Variants in OAS3 observed in about 807,000 individuals in gnomAD.
OAS3 encodes 2'-5'-oligoadenylate synthase 3.
In OAS3, 107 loss-of-function variants were observed where a neutral mutation model predicts 113.0. The observed-to-expected ratio is 0.95, with a 90% CI of 0.81 to 1.11. The LOEUF is 1.11. Ranked by LOEUF, OAS3 falls within the 50% of genes most tolerant of loss-of-function variation. The probability of loss-of-function intolerance (pLI) is 0.00; values close to 1 mark genes in which losing one functional copy is unlikely to be tolerated. For synonymous variants in OAS3, 552 were observed against 573.6 expected (o/e 0.96, Z 0.54); for missense variants, 1,258 against 1,389.1 (o/e 0.91, Z 1.50).
chr12:112,966,050 C>A (rs2043930833), intron 12 of OAS3, 21 bp downstream of exon 12: 1 of 1,611,780 alleles, frequency 6.2e-7, no homozygotes, highest in Non-Finnish European at 8.5e-7. Flanking sequence ...CTGGCGTAGA[C>A]CTGAGAGGGG....
chr12:112,944,577 C>T lies in OAS3; in HGVS notation c.562C>T (p.Arg188Trp), dbSNP rs369399935. ...GEHAACFTEL[R>W]RNFVNIRPAK... Reference sequence around the variant, plus strand: ...GCATGCGGCCTGCTTCACAGAGCTGCGGAGGAACTTTGTGAACATTCGCCC... The same window carrying T: ...GCATGCGGCCTGCTTCACAGAGCTGTGGAGGAACTTTGTGAACATTCGCCC... Residue 188 changes from arginine (R) to tryptophan (W), a missense_variant, in exon 3 of 16, where the codon CGG becomes TGG. Arg to Trp is a moderately radical substitution (Grantham distance 101). Coordinates refer to ENST00000228928, the MANE Select transcript of OAS3 (RefSeq NM_006187.4). The T allele has an allele frequency of 2.0e-5, 32 of 1,613,954 alleles. No homozygotes were observed. Among genetic ancestry groups the T allele is most frequent in the African/African-American group, 9.3e-5 (7 of 74,948 alleles).
intron 7 of OAS3, among the ~76,000 whole-genome samples, chr12:112,958,674 G>T (rs1164663248): frequency 1.3e-5 from 2 of 152,250 alleles, no homozygotes; most frequent in African/African-American, 4.8e-5. Context: ...TTGCAGAACT[G>T]CAAATATTGC....
chr12:112,962,951 A>G lies in OAS3; in HGVS notation c.2084+49A>G, dbSNP rs771523720. On this transcript the variant is annotated intron_variant, in intron 9 of 15. Coordinates refer to ENST00000228928, the MANE Select transcript of OAS3 (RefSeq NM_006187.4). ...TGGCTTCATTATCCTCCCCCTCCCCACTGTCACCCTGGAGTCAGTCATCCA... is the reference window on the plus strand; with the variant it reads ...TGGCTTCATTATCCTCCCCCTCCCCGCTGTCACCCTGGAGTCAGTCATCCA... 15 of 1,602,742 alleles carry G rather than the reference A, an allele frequency of 9.4e-6. No individual in the cohort carries two copies. In the Admixed American group the frequency reaches 2.5e-4, roughly 27 times the overall value.
At position 112,967,461 on chromosome 12, in the gene OAS3, C is replaced by G. The variant is rs369362586; in HGVS notation, c.2733C>G (p.Val911=). The change falls in exon 13 of 16, where the codon GTC becomes GTG. Residue 911 remains valine, a synonymous_variant. Transcript: ENST00000228928. ...CCAGGCCCAGCTCTCAAGTCTACGT[C>G]GACCTCATCCACAGCTACAGCAATG... ...SGSRPSSQVY[V]DLIHSYSNAG... is the part of the protein sequence containing the mutation. 4.9e-5 allele frequency: 79 copies of G among 1,613,430 alleles called. No individual in the cohort carries two copies. Among genetic ancestry groups the G allele is most frequent in the Non-Finnish European group, 6.1e-5 (72 of 1,179,724 alleles).
At chr12:112,961,801 C>CT (rs760022099) in intron 8 of OAS3, among the ~76,000 whole-genome samples, 1,809 of 146,328 alleles carry the variant, frequency 0.012, 10 homozygotes, top group Non-Finnish European at 0.018. Flanking sequence ...CTTTCATAGC[C>CT]TTTTTTTTTT....
chr12:112,947,463 C>A (rs979087757), intron 4 of OAS3, among the ~76,000 whole-genome samples: 6 of 152,160 alleles, frequency 3.9e-5, no homozygotes, highest in African/African-American at 1.4e-4. Flanking sequence ...AAGATTAAGT[C>A]TTTGAGATTT....
intron 3 of OAS3, among the ~76,000 whole-genome samples, chr12:112,946,412 C>T (rs57000709): frequency 0.12 from 18,468 of 152,194 alleles, 1,236 homozygotes; most frequent in Middle Eastern, 0.18. Context: ...CAATCAGCCA[C>T]GCAACTGGGA....
intron 13 of OAS3, 94 bp downstream of exon 13, chr12:112,967,687 G>A: frequency 7.1e-7 from 1 of 1,406,170 alleles, no homozygotes. Flanking sequence ...CCCTGGCCAA[G>A]ATCCTGGGTT....
At chr12:112,955,838 A>T (rs2043830312) in intron 7 of OAS3, among the ~76,000 whole-genome samples, 1 of 152,192 alleles carries the variant, frequency 6.6e-6, no homozygotes, top group Non-Finnish European at 1.5e-5. Flanking sequence ...TATCAGGATG[A>T]TGCTGGCCTC....
Position 112,967,947 on chromosome 12 carries a change from C to T in OAS3, c.2877C>T (p.Ile959=), listed in dbSNP as rs764828431. 1.1e-5 allele frequency: 17 copies of T among 1,613,628 alleles called. No individual in the cohort carries two copies. In the South Asian group the frequency reaches 1.8e-4, roughly 17 times the overall value. Residue 959 remains isoleucine (I), a synonymous_variant, in exon 14 of 16, where the codon ATC becomes ATT. Transcript: ENST00000228928. ...TTCTCGTTCTCCAGTGTACCAAGAT[C>T]TCCAAGGGGAGAGGCTCCCTACCCC... is the stretch of plus-strand genomic sequence containing the variant. ...VKHWYQQCTK[I]SKGRGSLPPQ... is the part of the protein sequence containing the mutation.
rs11837165 is a variant in OAS3, at chr12:112,968,894, T to C, written c.3105-714T>C. On this transcript the variant is annotated intron_variant, in intron 14 of 15. Coordinates refer to ENST00000228928, the MANE Select transcript of OAS3 (RefSeq NM_006187.4). ...CATAAGCATGTTTCATTCTTTGGGA[T>C]TTTGCCTACCTCTGAAATGGGTACA... Among the ~76,000 whole-genome samples the C allele has an allele frequency of 9.2e-3, 1,402 of 152,280 alleles. 20 individuals are homozygous for C. The highest frequency in any genetic ancestry group is 0.031 in the African/African-American group (1,299 of 41,540).
rs764914764 is a variant in OAS3 at position 112,950,788 on chromosome 12, G to A, written c.1470G>A (p.Gly490=). Residue 490 remains glycine (G), a synonymous_variant, in exon 7 of 16, where the codon GGG becomes GGA. Coordinates refer to ENST00000228928, the MANE Select transcript of OAS3 (RefSeq NM_006187.4). Reference sequence around the variant, plus strand: ...GCTTCACGGACTACAAGGACCAGGGGCCCCGCCGCGCAGAGATCCTTGATG... The same window carrying A: ...GCTTCACGGACTACAAGGACCAGGGACCCCGCCGCGCAGAGATCCTTGATG... ...LNCFTDYKDQ[G]PRRAEILDEM... 8.1e-6 allele frequency: 13 copies of A among 1,614,008 alleles called. No homozygotes were observed. The highest frequency in any genetic ancestry group is 1.1e-5 in the Non-Finnish European group (13 of 1,179,890).
Position 112,947,489 on chromosome 12 carries a change from G to T in OAS3, c.876-457G>T, listed in dbSNP as rs554611096. Among the ~76,000 whole-genome samples, 8 of 152,252 alleles carry T rather than the reference G, an allele frequency of 5.3e-5. No individual in the cohort carries two copies. In the East Asian group the frequency reaches 1.5e-3, roughly 29 times the overall value. ...TTTGAGATTTAGCTATATAGTTGTG[G>T]ATCATTCTTTTTTGTTGCTGTATAG... On this transcript the variant is annotated intron_variant, in intron 4 of 15. Coordinates refer to ENST00000228928, the MANE Select transcript of OAS3 (RefSeq NM_006187.4).
chr12:112,970,403 G>T lies in OAS3; in HGVS notation c.*430G>T, dbSNP rs2010604. 210 of 222,190 alleles carry T rather than the reference G, an allele frequency of 9.5e-4. 2 individuals carry two copies. The highest frequency in any genetic ancestry group is 1.7e-4 in the Non-Finnish European group (19 of 111,454). 13.8% of individuals were successfully genotyped at this position (222,190 alleles called of 1,614,324 possible). A position where few individuals can be genotyped will look rare whatever the true frequency, so the allele number is the denominator to read the frequency against. On this transcript the variant is annotated 3_prime_UTR_variant, in exon 16 of 16. Coordinates refer to ENST00000228928, the MANE Select transcript of OAS3 (RefSeq NM_006187.4). Reference sequence around the variant, plus strand: ...GGCCTCTCCTTGCCAAATCTAAATAGTTTATATAGGGATGGCAGAGAGTTC... The same window carrying T: ...GGCCTCTCCTTGCCAAATCTAAATATTTTATATAGGGATGGCAGAGAGTTC...
chr12:112,947,665 T>C (rs1342648526), intron 4 of OAS3, among the ~76,000 whole-genome samples: 1 of 152,222 alleles, frequency 6.6e-6, no homozygotes, highest in Non-Finnish European at 1.5e-5. Context: ...GTTGGAAATA[T>C]ACCTAGGAAT....
intron 3 of OAS3, chr12:112,945,388 C>T (rs2043719184): frequency 6.5e-6 from 1 of 154,056 alleles, no homozygotes. Context: ...ATATTTCCTG[C>T]CATCATATTG....
chr12:112,962,473 A>G (rs982596120), intron 8 of OAS3, among the ~76,000 whole-genome samples, 179 bp from the exon 9 acceptor site: 3 of 152,216 alleles, frequency 2.0e-5, no homozygotes, highest in Admixed American at 6.5e-5. Context: ...ATGACCTTAG[A>G]CAAGTCACTA....
At chr12:112,959,732 T>C (rs1014519042) in intron 7 of OAS3, among the ~76,000 whole-genome samples, 2 of 152,148 alleles carry the variant, frequency 1.3e-5, no homozygotes, top group Non-Finnish European at 2.9e-5. Flanking sequence ...TGTTTTTCAG[T>C]TTCTTGGACC....
intron 8 of OAS3, 92 bp downstream of exon 8, chr12:112,961,338 C>G (rs2043883756): frequency 1.7e-6 from 2 of 1,178,014 alleles, no homozygotes; most frequent in South Asian, 1.5e-5. Context: ...CATCTCCCCT[C>G]CTTTGCTTCT....
Sources: gnomAD v4.1 joint callset for allele counts (sites outside exome capture counted in the v4.1 genomes callset) on GRCh38, gnomAD v4.1.1 for gene constraint, MANE v1.5 for transcripts, NCBI Gene and HGNC (gene_info 2026-07-23, HGNC 2026-07-21) for gene names.